Variants in SORCS2 observed in about 807,000 individuals in gnomAD.
SORCS2 encodes VPS10 domain-containing receptor SorCS2.
SORCS2 carries 100 observed loss-of-function variants against 141.6 expected under a neutral mutation model. The observed-to-expected ratio is 0.71, with a 90% CI of 0.60 to 0.83. SORCS2 has a LOEUF of 0.83. SORCS2 is among the 40% of genes least tolerant of loss of function. The probability of loss-of-function intolerance (pLI) is 0.00; values close to 1 mark genes in which losing one functional copy is unlikely to be tolerated. For synonymous variants in SORCS2, 789 were observed against 676.9 expected (o/e 1.17, Z -2.57); for missense variants, 1,646 against 1,560.2 (o/e 1.05, Z -0.93).
intron 1 of SORCS2, among the ~76,000 whole-genome samples, chr4:7,288,569 G>A (rs1461947535): frequency 5.3e-5 from 6 of 113,914 alleles, no homozygotes; most frequent in African/African-American, 6.5e-5. Flanking sequence ...GGGGGCGGGG[G>A]GAGAGGGGGT....
intron 1 of SORCS2, among the ~76,000 whole-genome samples, chr4:7,271,901 G>C (rs1257130471): frequency 1.3e-5 from 2 of 152,248 alleles, no homozygotes; most frequent in Non-Finnish European, 2.9e-5. Flanking sequence ...GCAGGTCCCA[G>C]GTGGGCGATG....
At chr4:7,617,378 C>A (rs558462932) in intron 3 of SORCS2, among the ~76,000 whole-genome samples, 1 of 152,278 alleles carries the variant, frequency 6.6e-6, no homozygotes, top group South Asian at 2.1e-4. Context: ...ACCCACCCAC[C>A]CGTGCATGCA....
chr4:7,599,258 C>T (rs1255884330), intron 3 of SORCS2, among the ~76,000 whole-genome samples: 1 of 152,198 alleles, frequency 6.6e-6, no homozygotes, highest in Non-Finnish European at 1.5e-5. Context: ...CCTCTGCTCC[C>T]CTGCCAGCCA....
chr4:7,423,488 C>T (rs1726225241), intron 2 of SORCS2, among the ~76,000 whole-genome samples: 1 of 152,120 alleles, frequency 6.6e-6, no homozygotes, highest in Non-Finnish European at 1.5e-5. Context: ...GCTTATAACT[C>T]ACTGGAGGCT....
chr4:7,329,227 G>A (rs369247011), intron 1 of SORCS2, among the ~76,000 whole-genome samples: 4 of 152,172 alleles, frequency 2.6e-5, no homozygotes, highest in African/African-American at 9.6e-5. Flanking sequence ...GCTTACAGGC[G>A]GGCCCGGGGC....
intron 18 of SORCS2, among the ~76,000 whole-genome samples, chr4:7,719,666 C>G (rs576048875): frequency 8.2e-4 from 125 of 152,332 alleles, no homozygotes; most frequent in African/African-American, 2.9e-3. Flanking sequence ...GCCGCTGCCC[C>G]GCCTGTCCCG....
chr4:7,483,148 G>A (rs527341652), intron 2 of SORCS2, among the ~76,000 whole-genome samples: 26 of 152,096 alleles, frequency 1.7e-4, no homozygotes, highest in East Asian at 5.8e-4. Flanking sequence ...GTGAAACCCC[G>A]TCTCTACTAA....
chr4:7,323,915 C>T (rs753296086), intron 1 of SORCS2, among the ~76,000 whole-genome samples: 6 of 152,204 alleles, frequency 3.9e-5, no homozygotes, highest in Admixed American at 3.9e-4. Context: ...CACTGGTATA[C>T]ACCACACATC....
chr4:7,212,606 A>C (rs1728118377), intron 1 of SORCS2, among the ~76,000 whole-genome samples: 1 of 152,196 alleles, frequency 6.6e-6, no homozygotes, highest in Non-Finnish European at 1.5e-5. Flanking sequence ...GTCCTGGTCC[A>C]TGGGAAACAG....
intron 3 of SORCS2, among the ~76,000 whole-genome samples, chr4:7,597,346 A>G (rs1364075105): frequency 6.7e-6 from 1 of 148,856 alleles, no homozygotes; most frequent in African/African-American, 2.5e-5. Context: ...AGGGAAGGGG[A>G]CTATTGAAAT....
chr4:7,540,702 G>C (rs553541050), intron 3 of SORCS2, among the ~76,000 whole-genome samples: 2 of 152,324 alleles, frequency 1.3e-5, no homozygotes, highest in South Asian at 2.1e-4. Flanking sequence ...GAGGGAGGGC[G>C]GGGGAGACAG....
chr4:7,204,457 A>G (rs1288678806), intron 1 of SORCS2, among the ~76,000 whole-genome samples: 1 of 152,148 alleles, frequency 6.6e-6, no homozygotes. Flanking sequence ...AGCTCAAGCA[A>G]TCCACCCGCC....
At chr4:7,676,906 C>G (rs61184000) in intron 9 of SORCS2, among the ~76,000 whole-genome samples, 9 of 7,422 alleles carry the variant, frequency 1.2e-3, no homozygotes, top group African/African-American at 1.6e-3. Context: ...CTCTCTCTCT[C>G]CCTCTCTCCC....
At position 7,634,024 on chromosome 4, in the gene SORCS2, G is replaced by A. The variant is rs1720069031; in HGVS notation, c.649-4304G>A. 1.6e-5 allele frequency among the ~76,000 whole-genome samples: 2 copies of A among 121,302 alleles called. 1 individual carries two copies. Among genetic ancestry groups the A allele is most frequent in the South Asian group, 6.2e-4 (2 of 3,232 alleles). 79.6% of individuals were successfully genotyped at this position (121,302 alleles called of 152,430 possible). On this transcript the variant is annotated intron_variant, in intron 3 of 26. Coordinates refer to ENST00000507866, the MANE Select transcript of SORCS2 (RefSeq NM_020777.3). Reference sequence around the variant, plus strand: ...GATGAATGAACCAAGAAGTCCTGAGGACTTCCTTCCTTCTTCCTGGTTATC... The same window carrying A: ...GATGAATGAACCAAGAAGTCCTGAGAACTTCCTTCCTTCTTCCTGGTTATC...
At chr4:7,710,235 C>T (rs887531771) in intron 14 of SORCS2, among the ~76,000 whole-genome samples, 1 of 152,202 alleles carries the variant, frequency 6.6e-6, no homozygotes, top group Non-Finnish European at 1.5e-5. Flanking sequence ...AGCTCCAGAG[C>T]CACCAGCCCG....
At chr4:7,586,482 C>G (rs1482449393) in intron 3 of SORCS2, among the ~76,000 whole-genome samples, 3 of 152,140 alleles carry the variant, frequency 2.0e-5, no homozygotes, top group African/African-American at 7.2e-5. Flanking sequence ...TCTCCTTGCC[C>G]CATTCTCCCA....
chr4:7,489,342 C>T (rs183003174), intron 2 of SORCS2, among the ~76,000 whole-genome samples: 44 of 152,340 alleles, frequency 2.9e-4, no homozygotes, highest in Admixed American at 2.4e-3. Flanking sequence ...TTTGTGGCTG[C>T]GTCGTCGCTG....
At chr4:7,585,035 G>A (rs904151595) in intron 3 of SORCS2, among the ~76,000 whole-genome samples, 10 of 152,208 alleles carry the variant, frequency 6.6e-5, no homozygotes, top group African/African-American at 1.9e-4. Flanking sequence ...GAGAGAAAGA[G>A]CAGCCGTTCT....
intron 5 of SORCS2, among the ~76,000 whole-genome samples, chr4:7,660,636 G>A (rs1043273498): frequency 1.6e-4 from 24 of 152,324 alleles, no homozygotes; most frequent in African/African-American, 5.3e-4. Flanking sequence ...ACCTGGGCAG[G>A]AGCCTGAGAC....
Sources: allele counts gnomAD v4.1 joint callset (sites outside exome capture counted in the v4.1 genomes callset), GRCh38; gene constraint gnomAD v4.1.1; transcripts MANE v1.5; gene names NCBI Gene and HGNC (gene_info 2026-07-23, HGNC 2026-07-21).